Variants in FOXD1 observed in about 807,000 individuals in gnomAD.
FOXD1 encodes the protein forkhead box protein D1.
Under a neutral mutation model 2.0 loss-of-function variants are expected in FOXD1, and 4 were observed. The ratio of observed to expected loss-of-function variants is 2.03; its 90% CI spans 1.00 to 4.64. The LOEUF (loss-of-function observed/expected upper bound fraction) is 4.64, where lower values mean the gene tolerates loss of function less well. Ranked by LOEUF, FOXD1 falls within the 30% of genes most tolerant of loss-of-function variation. FOXD1 has a pLI of 0.01. For missense variants in FOXD1, 586 were observed against 647.6 expected (o/e 0.90, Z 1.03); for synonymous variants, 354 against 328.5 (o/e 1.08, Z -0.84).
At position 73,448,230 on chromosome 5, in the gene FOXD1, G is replaced by A. The variant is rs1454894064; in HGVS notation, c.133C>T (p.Arg45Trp). Residue 45 changes from arginine (R) to tryptophan (W), a missense_variant, in exon 1 of 1, where the codon CGG becomes TGG. Physicochemically the swap from Arg to Trp is moderately radical, Grantham distance 101 (BLOSUM62 -3). This residue lies in a region of FOXD1 where 183 missense variants were observed against 159.2 expected (regional missense o/e 1.15). Transcript: ENST00000615637. ...CGCCGCTGCGCGGGGACAGCCAGCCGGGGCCCGCCACCGCCGCCCTCGTCG... is the reference window on the plus strand; with the variant it reads ...CGCCGCTGCGCGGGGACAGCCAGCCAGGGCCCGCCACCGCCGCCCTCGTCG... ...DDDEGGGGGP[R>W]LAVPAQRRRR... The A allele has an allele frequency of 1.4e-6, 2 of 1,479,034 alleles. No individual in the cohort carries two copies. The highest frequency in any genetic ancestry group is 2.9e-5 in the East Asian group (1 of 34,432). The allele number at this position is 1,479,034 out of a possible 1,614,324, so 91.6% of individuals were successfully genotyped here. A position where few individuals can be genotyped will look rare whatever the true frequency, so the allele number is the denominator to read the frequency against.
chr5:73,448,496 C>T lies in FOXD1; in HGVS notation c.-134G>A, dbSNP rs1217726154. ...CTGGGGGCGCTGCGACTGCGGCTGC[C>T]GGAGCTGCGCCGGGGCTGCCGGGTG... On this transcript the variant is annotated 5_prime_UTR_variant, in exon 1 of 1. Transcript: ENST00000615637. 4.5e-5 allele frequency: 18 copies of T among 403,988 alleles called. No homozygotes were observed. The highest frequency in any genetic ancestry group is 2.6e-4 in the African/African-American group (12 of 45,878). The allele number at this position is 403,988 out of a possible 1,614,324, so 25.0% of individuals were successfully genotyped here.
rs1282893967 is a variant in FOXD1 at position 73,446,883 on chromosome 5, G to A, written c.*82C>T. The A allele has an allele frequency of 8.8e-6, 11 of 1,253,422 alleles. No homozygotes were observed. The highest frequency in any genetic ancestry group is 1.5e-5 in the African/African-American group (1 of 64,892). The allele number at this position is 1,253,422 out of a possible 1,614,324, so 77.6% of individuals were successfully genotyped here. Reference sequence around the variant, plus strand: ...GTCGAGAGGGGCCGCGCCTGGAGGAGCGAACAAAACACCGAACCACCAAGA... The same window carrying A: ...GTCGAGAGGGGCCGCGCCTGGAGGAACGAACAAAACACCGAACCACCAAGA... On this transcript the variant is annotated 3_prime_UTR_variant, in exon 1 of 1. Transcript: ENST00000615637.
rs1283544068 is a variant in FOXD1, at chr5:73,447,199, A to AGCGGCGGCGGCGGCCTGCGCG, written c.1143_1163dup (p.Ala382_Ala388dup). ...CCGGCGAGGGCGAGGGCGAGGCCTGAGCGGCGGCGGCGGCCTGCGCGGCGG... is the reference window on the plus strand; with the variant it reads ...CCGGCGAGGGCGAGGGCGAGGCCTGAGCGGCGGCGGCGGCCTGCGCGGCGGCGGCGGCGGCCTGCGCGGCGG... On this transcript the variant is annotated inframe_insertion, in exon 1 of 1. Coordinates refer to ENST00000615637, the MANE Select transcript of FOXD1 (RefSeq NM_004472.3). The surrounding 1 kb of genome is among the most constrained non-coding windows in gnomAD (Gnocchi z 7.8). 22 of 992,452 alleles carry AGCGGCGGCGGCGGCCTGCGCG rather than the reference A, an allele frequency of 2.2e-5. No homozygotes were observed. The African/African-American group carries it at 2.7e-4, about 12-fold the overall frequency. 61.5% of individuals were successfully genotyped at this position (992,452 alleles called of 1,614,324 possible). A position where few individuals can be genotyped will look rare whatever the true frequency, so the allele number is the denominator to read the frequency against.
chr5:73,447,756 G>C lies in FOXD1; in HGVS notation c.607C>G (p.Pro203Ala), dbSNP rs755976717. The C allele has an allele frequency of 6.2e-7, 1 of 1,611,392 alleles. No homozygotes were observed. The change falls in exon 1 of 1, where the codon CCG becomes GCG. Residue 203 changes from proline (P) to alanine (A), a missense_variant. Coordinates refer to ENST00000615637, the MANE Select transcript of FOXD1 (RefSeq NM_004472.3). This position sits in a 1 kb window ranked among gnomAD's most constrained non-coding sequence, Gnocchi z 7.8. ...PGKGNYWTLD[P>A]ESADMFDNGS... Reference sequence around the variant, plus strand: ...TTGTCGAACATGTCGGCGGACTCCGGGTCCAGCGTCCAGTAGTTGCCCTTG... The same window carrying C: ...TTGTCGAACATGTCGGCGGACTCCGCGTCCAGCGTCCAGTAGTTGCCCTTG...
chr5:73,447,639 C>A lies in FOXD1; in HGVS notation c.724G>T (p.Ala242Ser). ...AAAESLLLRGAGAAGGAGDPA... is the reference protein window; with the variant it reads ...AAAESLLLRGSGAAGGAGDPA... ...TCGCCCGCGCCCCCTGCGGCTCCCG[C>A]GCCGCGCAGCAGCAGAGACTCGGCG... The change falls in exon 1 of 1, where the codon GCG becomes TCG. Residue 242 changes from alanine (A) to serine (S), a missense_variant. Physicochemically the swap from Ala to Ser is moderately conservative, Grantham distance 99 (BLOSUM62 1). Transcript: ENST00000615637. The surrounding 1 kb of genome is among the most constrained non-coding windows in gnomAD (Gnocchi z 7.8). 1 of 1,443,148 alleles carries A rather than the reference C, an allele frequency of 6.9e-7. No homozygotes were observed. Among genetic ancestry groups the A allele is most frequent in the Non-Finnish European group, 9.1e-7 (1 of 1,100,306 alleles). The allele number at this position is 1,443,148 out of a possible 1,614,324, so 89.4% of individuals were successfully genotyped here. A position where few individuals can be genotyped will look rare whatever the true frequency, so the allele number is the denominator to read the frequency against.
Position 73,447,643 on chromosome 5 carries a change from G to A in FOXD1, c.720C>T (p.Arg240=), listed in dbSNP as rs1416672344. The A allele has an allele frequency of 2.0e-6, 3 of 1,476,238 alleles. No homozygotes were observed. Among genetic ancestry groups the A allele is most frequent in the Non-Finnish European group, 1.8e-6 (2 of 1,116,206 alleles). 91.4% of individuals were successfully genotyped at this position (1,476,238 alleles called of 1,614,324 possible). The part of the protein sequence containing the change: ...NAAAAESLLL[R]GAGAAGGAGD... The stretch of plus-strand genomic sequence containing the variant: ...CCGCGCCCCCTGCGGCTCCCGCGCC[G>A]CGCAGCAGCAGAGACTCGGCGGCCG... The change falls in exon 1 of 1, where the codon CGC becomes CGT. Residue 240 remains arginine (R), a synonymous_variant. Coordinates refer to ENST00000615637, the MANE Select transcript of FOXD1 (RefSeq NM_004472.3). This position sits in a 1 kb window ranked among gnomAD's most constrained non-coding sequence, Gnocchi z 7.8.
rs1350940101 is a variant in FOXD1, at chr5:73,448,723, G to A, written c.-361C>T. On this transcript the variant is annotated 5_prime_UTR_variant, in exon 1 of 1. It adds an upstream start codon to the 5' untranslated region. Coordinates refer to ENST00000615637, the MANE Select transcript of FOXD1 (RefSeq NM_004472.3). ...ATCAGAACGCCAGGCGCCCAGGAAC[G>A]TGCGGGACGGGTGAGAGTCTAAGAA... Among the ~76,000 whole-genome samples, 1 of 151,672 alleles carries A rather than the reference G, an allele frequency of 6.6e-6. No homozygotes were observed. The highest frequency in any genetic ancestry group is 2.4e-5 in the African/African-American group (1 of 41,288).
rs1561241182 is a variant in FOXD1, at chr5:73,447,946, C to G, written c.417G>C (p.Leu139=). The G allele has an allele frequency of 6.2e-7, 1 of 1,608,766 alleles. No individual in the cohort carries two copies. The highest frequency in any genetic ancestry group is 1.1e-5 in the South Asian group (1 of 90,462). ...GCGTCAGCCGCTTCTTGGGGCTCTG[C>G]AGGATGGCCATAGTGATGAGCGCGA... ...SYIALITMAI[L]QSPKKRLTLS... The change falls in exon 1 of 1, where the codon CTG becomes CTC. Residue 139 remains leucine, a synonymous_variant. Transcript: ENST00000615637. The surrounding 1 kb of genome is among the most constrained non-coding windows in gnomAD (Gnocchi z 7.8).
rs1745510548 is a variant in FOXD1, at chr5:73,447,029, G to A, written c.1334C>T (p.Thr445Ile). Residue 445 changes from threonine to isoleucine, a missense_variant, in exon 1 of 1, where the codon ACT (threonine) becomes ATT (isoleucine). Around this residue, in one of 4 missense-constraint regions of FOXD1, gnomAD observed 46 missense variants for 78.6 expected, o/e 0.58. Transcript: ENST00000615637. The surrounding 1 kb of genome is among the most constrained non-coding windows in gnomAD (Gnocchi z 7.8). ...SSVSSSAALGTLHQGTALSSV... is the reference protein window; with the variant it reads ...SSVSSSAALGILHQGTALSSV... ...GGACAGGGCAGTCCCTTGGTGCAGA[G>A]TCCCCAAGGCGGCGGACGAGGAGAC... The A allele has an allele frequency of 7.8e-6, 12 of 1,544,534 alleles. No homozygotes were observed. Among genetic ancestry groups the A allele is most frequent in the Non-Finnish European group, 1.0e-5 (12 of 1,144,070 alleles).
In FOXD1 at chr5:73,447,847, G is replaced by A. The variant is rs776882686; in HGVS notation, c.516C>T (p.Ser172=). The change falls in exon 1 of 1, where the codon AGC becomes AGT. Residue 172 remains serine, a synonymous_variant. Coordinates refer to ENST00000615637, the MANE Select transcript of FOXD1 (RefSeq NM_004472.3). The surrounding 1 kb of genome is among the most constrained non-coding windows in gnomAD (Gnocchi z 7.8). ...CGTTGAGCGAGAGGTTGTGGCGGATGCTGTTCTGCCAGGCGGGGAACTTCT... is the reference window on the plus strand; with the variant it reads ...CGTTGAGCGAGAGGTTGTGGCGGATACTGTTCTGCCAGGCGGGGAACTTCT... ...YREKFPAWQN[S]IRHNLSLNDC... 1.9e-6 allele frequency: 3 copies of A among 1,611,716 alleles called. No homozygotes were observed. Among genetic ancestry groups the A allele is most frequent in the Admixed American group, 1.7e-5 (1 of 59,832 alleles).
Position 73,447,187 on chromosome 5 carries a change from G to A in FOXD1, c.1176C>T (p.Pro392=), listed in dbSNP as rs1178606420. Residue 392 remains proline, a synonymous_variant, in exon 1 of 1, where the codon CCC becomes CCT. Transcript: ENST00000615637. This position sits in a 1 kb window ranked among gnomAD's most constrained non-coding sequence, Gnocchi z 7.8. ...AQAAAAAQAS[P]SPSPVAAPPA... Reference sequence around the variant, plus strand: ...GCGGCGCCGCCACCGGCGAGGGCGAGGGCGAGGCCTGAGCGGCGGCGGCGG... The same window carrying A: ...GCGGCGCCGCCACCGGCGAGGGCGAAGGCGAGGCCTGAGCGGCGGCGGCGG... The A allele has an allele frequency of 3.3e-5, 34 of 1,024,800 alleles. No homozygotes were observed. The highest frequency in any genetic ancestry group is 3.5e-5 in the Non-Finnish European group (30 of 858,666). The allele number at this position is 1,024,800 out of a possible 1,614,324, so 63.5% of individuals were successfully genotyped here. A position where few individuals can be genotyped will look rare whatever the true frequency, so the allele number is the denominator to read the frequency against.
chr5:73,448,192 GCGCCGC>G lies in FOXD1; in HGVS notation c.165_170del (p.Arg56_Arg57del), dbSNP rs750578392. ...CCAGCTCGTCCTCCCCGGCGTACGA[GCGCCGC>G]CGCCGCCGCCGCTGCGCGGGGACAG... On this transcript the variant is annotated inframe_deletion, in exon 1 of 1. Coordinates refer to ENST00000615637, the MANE Select transcript of FOXD1 (RefSeq NM_004472.3). 3.1e-5 allele frequency: 45 copies of G among 1,450,310 alleles called. No individual in the cohort carries two copies. Among genetic ancestry groups the G allele is most frequent in the African/African-American group, 9.0e-5 (6 of 66,390 alleles). 89.8% of individuals were successfully genotyped at this position (1,450,310 alleles called of 1,614,324 possible). A position where few individuals can be genotyped will look rare whatever the true frequency, so the allele number is the denominator to read the frequency against.
rs756874510 is a variant in FOXD1, at chr5:73,447,974, T to A, written c.389A>T (p.Tyr130Phe). ...GATGGCCATAGTGATGAGCGCGATA[T>A]ACGAGTAGGGCGGCTTCACCAGCGG... ...KNPLVKPPYS[Y>F]IALITMAILQ... The change falls in exon 1 of 1, where the codon TAT becomes TTT. Residue 130 changes from tyrosine to phenylalanine, a missense_variant. This residue lies in a region of FOXD1 where 104 missense variants were observed against 175.4 expected (regional missense o/e 0.59). Transcript: ENST00000615637. The surrounding 1 kb of genome is among the most constrained non-coding windows in gnomAD (Gnocchi z 7.8). 1 of 1,572,946 alleles carries A rather than the reference T, an allele frequency of 6.4e-7. No individual in the cohort carries two copies. The highest frequency in any genetic ancestry group is 1.2e-5 in the South Asian group (1 of 86,610).
At position 73,447,642 on chromosome 5, in the gene FOXD1, C is replaced by G. The variant is rs1162424431; in HGVS notation, c.721G>C (p.Gly241Arg). Reference sequence around the variant, plus strand: ...CCCGCGCCCCCTGCGGCTCCCGCGCCGCGCAGCAGCAGAGACTCGGCGGCC... The same window carrying G: ...CCCGCGCCCCCTGCGGCTCCCGCGCGGCGCAGCAGCAGAGACTCGGCGGCC... ...AAAAESLLLR[G>R]AGAAGGAGDP... The change falls in exon 1 of 1, where the codon GGC (glycine) becomes CGC (arginine). Residue 241 changes from glycine to arginine, a missense_variant. Physicochemically the swap from Gly to Arg is moderately radical, Grantham distance 125. This residue lies in a region of FOXD1 where 253 missense variants were observed against 234.4 expected (regional missense o/e 1.08). Coordinates refer to ENST00000615637, the MANE Select transcript of FOXD1 (RefSeq NM_004472.3). This position sits in a 1 kb window ranked among gnomAD's most constrained non-coding sequence, Gnocchi z 7.8. The G allele has an allele frequency of 2.7e-6, 4 of 1,457,776 alleles. No homozygotes were observed. Among genetic ancestry groups the G allele is most frequent in the Non-Finnish European group, 3.6e-6 (4 of 1,107,998 alleles). 90.3% of individuals were successfully genotyped at this position (1,457,776 alleles called of 1,614,324 possible).
Position 73,448,047 on chromosome 5 carries a change from C to A in FOXD1, c.316G>T (p.Gly106Cys). The A allele has an allele frequency of 8.1e-7, 1 of 1,241,044 alleles. No individual in the cohort carries two copies. The allele number at this position is 1,241,044 out of a possible 1,614,324, so 76.9% of individuals were successfully genotyped here. A position where few individuals can be genotyped will look rare whatever the true frequency, so the allele number is the denominator to read the frequency against. The change falls in exon 1 of 1, where the codon GGC becomes TGC. Residue 106 changes from glycine (G) to cysteine (C), a missense_variant. Transcript: ENST00000615637. ...CTCCCGCCGCCGCCCGCGCCGCCGC[C>A]GCCGCCGCCCCCACCGGCTCCTGCC... ...AGAGAGGGGG[G>C]GGAGGGGSAG...
chr5:73,448,724 T>G lies in FOXD1; in HGVS notation c.-362A>C, dbSNP rs2112141417. ...TCAGAACGCCAGGCGCCCAGGAACG[T>G]GCGGGACGGGTGAGAGTCTAAGAAC... On this transcript the variant is annotated 5_prime_UTR_variant, in exon 1 of 1. Transcript: ENST00000615637. Among the ~76,000 whole-genome samples, 1 of 150,714 alleles carries G rather than the reference T, an allele frequency of 6.6e-6. No individual in the cohort carries two copies. Among genetic ancestry groups the G allele is most frequent in the African/African-American group, 2.4e-5 (1 of 41,006 alleles).
chr5:73,447,565 C>T lies in FOXD1; in HGVS notation c.798G>A (p.Pro266=), dbSNP rs1177349530. 1.2e-5 allele frequency: 12 copies of T among 1,005,044 alleles called. 1 individual carries two copies. Among genetic ancestry groups the T allele is most frequent in the African/African-American group, 2.0e-5 (1 of 50,048 alleles). 62.3% of individuals were successfully genotyped at this position (1,005,044 alleles called of 1,614,324 possible). The part of the protein sequence containing the change: ...ALFPPAPPPP[P]HAYGYGPYGC... ...CGTAGGGGCCGTAGCCGTAGGCATG[C>T]GGGGGCGGCGGGGGCGCGGGCGGGA... Residue 266 remains proline, a synonymous_variant, in exon 1 of 1, where the codon CCG becomes CCA. Transcript: ENST00000615637. The surrounding 1 kb of genome is among the most constrained non-coding windows in gnomAD (Gnocchi z 7.8).
chr5:73,447,278 A>C lies in FOXD1; in HGVS notation c.1085T>G (p.Phe362Cys). The change falls in exon 1 of 1, where the codon TTC (phenylalanine) becomes TGC (cysteine). Residue 362 changes from phenylalanine (F) to cysteine (C), a missense_variant. Phe to Cys is a radical substitution (Grantham distance 205). Transcript: ENST00000615637. The surrounding 1 kb of genome is among the most constrained non-coding windows in gnomAD (Gnocchi z 7.8). The stretch of plus-strand genomic sequence containing the variant: ...GCCCCCGATGATGCTCTCGATGGAG[A>C]AGGGCGAGCGCGCCAGCGCTGAGGC... Reference protein sequence around the residue: ...PGASALARSPFSIESIIGGSL... With the variant: ...PGASALARSPCSIESIIGGSL... 1 of 987,850 alleles carries C rather than the reference A, an allele frequency of 1.0e-6. No individual in the cohort carries two copies. Among genetic ancestry groups the C allele is most frequent in the Non-Finnish European group, 1.2e-6 (1 of 835,014 alleles). 61.2% of individuals were successfully genotyped at this position (987,850 alleles called of 1,614,324 possible).
Position 73,448,290 on chromosome 5 carries a change from C to T in FOXD1, c.73G>A (p.Gly25Ser), listed in dbSNP as rs925503876. The T allele has an allele frequency of 1.0e-5, 15 of 1,472,224 alleles. No individual in the cohort carries two copies. The highest frequency in any genetic ancestry group is 1.3e-5 in the South Asian group (1 of 78,612). The allele number at this position is 1,472,224 out of a possible 1,614,324, so 91.2% of individuals were successfully genotyped here. The change falls in exon 1 of 1, where the codon GGC becomes AGC. Residue 25 changes from glycine (G) to serine (S), a missense_variant. Coordinates refer to ENST00000615637, the MANE Select transcript of FOXD1 (RefSeq NM_004472.3). ...TCTTCCTCGTCTTCTTCGTCCTCGCCCTCCCCCACCACGTCGATGTCTGTT... is the reference window on the plus strand; with the variant it reads ...TCTTCCTCGTCTTCTTCGTCCTCGCTCTCCCCCACCACGTCGATGTCTGTT... ...EETDIDVVGEGEDEEDEEEED... is the reference protein window; with the variant it reads ...EETDIDVVGESEDEEDEEEED...
Sources: allele counts gnomAD v4.1 joint callset (sites outside exome capture counted in the v4.1 genomes callset), GRCh38; gene constraint gnomAD v4.1.1; regional missense constraint gnomAD v4.1.1; non-coding constraint Gnocchi (gnomAD v3.1); transcripts MANE v1.5; gene names NCBI Gene and HGNC (gene_info 2026-07-23, HGNC 2026-07-21).